The following ZMIZ2 variants were observed in gnomAD, a reference collection of about 807,000 sequenced individuals.
ZMIZ2 encodes the protein zinc finger MIZ-type containing 2.
In ZMIZ2, 26 loss-of-function variants were observed where a neutral mutation model predicts 93.9. The observed-to-expected ratio is 0.28, with a 90% CI of 0.20 to 0.38. The LOEUF is 0.38. Among genes scored for constraint, ZMIZ2 ranks in the 10% least tolerant of loss-of-function variants. ZMIZ2 has a pLI of 1.00. For missense variants in ZMIZ2, 1,023 were observed against 1,235.0 expected (o/e 0.83, Z 2.57); for synonymous variants, 485 against 516.4 (o/e 0.94, Z 0.82).
At position 44,767,058 on chromosome 7, in the gene ZMIZ2, A is replaced by C. The variant is rs1236434374; in HGVS notation, c.2655+395A>C. On this transcript the variant is annotated intron_variant, in intron 18 of 18. Coordinates refer to ENST00000309315, the MANE Select transcript of ZMIZ2 (RefSeq NM_031449.4). ...CTGACTGTCCCTGGACCATAATAGAAACTCATTCTAGAAGTTCAACATGAA... is the reference window on the plus strand; with the variant it reads ...CTGACTGTCCCTGGACCATAATAGACACTCATTCTAGAAGTTCAACATGAA... Among the ~76,000 whole-genome samples, 4 of 152,104 alleles carry C rather than the reference A, an allele frequency of 2.6e-5. No homozygotes were observed. In the East Asian group the frequency reaches 7.7e-4, roughly 29 times the overall value.
chr7:44,764,460 G>A lies in ZMIZ2; in HGVS notation c.1902G>A (p.Arg634=). ...CGTACCTGCAGCTCAACTGTGAGCGGGGGACTTGGAGGTGTCCTGTGTGCA... is the reference window on the plus strand; with the variant it reads ...CGTACCTGCAGCTCAACTGTGAGCGAGGGACTTGGAGGTGTCCTGTGTGCA... The part of the protein sequence containing the change: ...LESYLQLNCE[R]GTWRCPVCNK... Residue 634 remains arginine (R), a synonymous_variant, in exon 14 of 19, where the codon CGG becomes CGA. Transcript: ENST00000309315. 3.1e-6 allele frequency: 5 copies of A among 1,614,190 alleles called. No individual in the cohort carries two copies. Among genetic ancestry groups the A allele is most frequent in the South Asian group, 1.1e-5 (1 of 91,082 alleles).
At position 44,760,388 on chromosome 7, in the gene ZMIZ2, G is replaced by A. The variant is rs369465294; in HGVS notation, c.1072-37G>A. Reference sequence around the variant, plus strand: ...AACAGACTCCACTCCCATCCACCCTGGCAATCTGCCTTGACTGTTTGTGCT... The same window carrying A: ...AACAGACTCCACTCCCATCCACCCTAGCAATCTGCCTTGACTGTTTGTGCT... On this transcript the variant is annotated intron_variant, in intron 8 of 18. Coordinates refer to ENST00000309315, the MANE Select transcript of ZMIZ2 (RefSeq NM_031449.4). The A allele has an allele frequency of 1.6e-4, 256 of 1,607,304 alleles. 1 individual carries two copies. In the South Asian group the frequency reaches 2.4e-3, roughly 15 times the overall value.
At chr7:44,764,521 G>T in intron 14 of ZMIZ2, 35 bp downstream of exon 14, 1 of 1,610,384 alleles carries the variant, frequency 6.2e-7, no homozygotes, top group East Asian at 2.2e-5. Flanking sequence ...TGGAGGAGGG[G>T]CTGGTGCTTT....
At position 44,762,859 on chromosome 7, in the gene ZMIZ2, A is replaced by G. The variant is rs371466378; in HGVS notation, c.1597-22A>G. ...GCCCCTGGCCCAAGTCCCCCTGATG[A>G]CATCCTCCCGTTGTATTGCAGTCCC... On this transcript the variant is annotated intron_variant, in intron 11 of 18. Coordinates refer to ENST00000309315, the MANE Select transcript of ZMIZ2 (RefSeq NM_031449.4). 5.1e-6 allele frequency: 8 copies of G among 1,577,344 alleles called. No individual in the cohort carries two copies. In the African/African-American group the frequency reaches 9.5e-5, roughly 19 times the overall value.
intron 1 of ZMIZ2, among the ~76,000 whole-genome samples, chr7:44,752,272 C>T (rs184688209): frequency 3.0e-4 from 45 of 152,118 alleles, no homozygotes; most frequent in Admixed American, 9.2e-4. Context: ...GGATTACAGG[C>T]GCCCACCACT....
rs770251939 is a variant in ZMIZ2 at position 44,761,764 on chromosome 7, C to T, written c.1455C>T (p.Ala485=). The stretch of plus-strand genomic sequence containing the variant: ...GGCAGATGAACACCAACTGGCCAGC[C>T]TCGGTGCAGGTCAGCGTCAATGCCA... The part of the protein sequence containing the change: ...EDRQMNTNWP[A]SVQVSVNATP... The change falls in exon 11 of 19, where the codon GCC becomes GCT. Residue 485 remains alanine (A), a synonymous_variant. Coordinates refer to ENST00000309315, the MANE Select transcript of ZMIZ2 (RefSeq NM_031449.4). The surrounding 1 kb of genome is among the most constrained non-coding windows in gnomAD (Gnocchi z 5.8). 4 of 1,613,982 alleles carry T rather than the reference C, an allele frequency of 2.5e-6. No homozygotes were observed. Among genetic ancestry groups the T allele is most frequent in the Non-Finnish European group, 3.4e-6 (4 of 1,179,996 alleles).
chr7:44,761,971 G>C lies in ZMIZ2; in HGVS notation c.1596+66G>C. ...GCGGGGTGTGGTGGGGCCTGGCCCAGCGGTGCCGTGGGGTGGGGCGGGGTG... is the reference window on the plus strand; with the variant it reads ...GCGGGGTGTGGTGGGGCCTGGCCCACCGGTGCCGTGGGGTGGGGCGGGGTG... On this transcript the variant is annotated intron_variant, in intron 11 of 18. Coordinates refer to ENST00000309315, the MANE Select transcript of ZMIZ2 (RefSeq NM_031449.4). This position sits in a 1 kb window ranked among gnomAD's most constrained non-coding sequence, Gnocchi z 5.8. 2.0e-6 allele frequency: 3 copies of C among 1,472,714 alleles called. No homozygotes were observed. The highest frequency in any genetic ancestry group is 2.6e-5 in the South Asian group (2 of 75,562). 91.2% of individuals were successfully genotyped at this position (1,472,714 alleles called of 1,614,324 possible).
At chr7:44,762,246 T>C (rs1300230150) in intron 11 of ZMIZ2, among the ~76,000 whole-genome samples, 1 of 152,240 alleles carries the variant, frequency 6.6e-6, no homozygotes, top group Non-Finnish European at 1.5e-5. Flanking sequence ...AAGAAAGCGA[T>C]CCAGTAATAT....
In ZMIZ2 at chr7:44,757,543, G is replaced by C. The variant is rs1376201520; in HGVS notation, c.534G>C (p.Glu178Asp). 6.2e-7 allele frequency: 1 copy of C among 1,607,818 alleles called. No homozygotes were observed. The highest frequency in any genetic ancestry group is 8.5e-7 in the Non-Finnish European group (1 of 1,177,696). ...VAALQEKQSQELSQYGAMGAG... is the reference protein window; with the variant it reads ...VAALQEKQSQDLSQYGAMGAG... ...CTCTCCAGGAGAAGCAGAGCCAGGA[G>C]CTGAGCCAGTATGGAGCGGTGAGCC... Residue 178 changes from glutamate (E) to aspartate (D), a missense_variant, in exon 5 of 19, where the codon GAG becomes GAC. Glu to Asp is a conservative substitution (Grantham distance 45, BLOSUM62 2). This residue lies in a region of ZMIZ2 where 656 missense variants were observed against 777.1 expected (regional missense o/e 0.84). Coordinates refer to ENST00000309315, the MANE Select transcript of ZMIZ2 (RefSeq NM_031449.4).
Position 44,759,298 on chromosome 7 carries a change from G to A in ZMIZ2, c.831G>A (p.Gln277=). The A allele has an allele frequency of 6.4e-7, 1 of 1,562,880 alleles. No individual in the cohort carries two copies. Among genetic ancestry groups the A allele is most frequent in the Non-Finnish European group, 8.7e-7 (1 of 1,155,082 alleles). Residue 277 remains glutamine (Q), a synonymous_variant, in exon 7 of 19, where the codon CAG becomes CAA. Coordinates refer to ENST00000309315, the MANE Select transcript of ZMIZ2 (RefSeq NM_031449.4). ...TTTTTCAGGTGTATCCAGGGCAGCA[G>A]TATCTGCAAGGAGGCCAGTATGCAC... The part of the protein sequence containing the change: ...RTYSEVYPGQ[Q]YLQGGQYAPS...
intron 1 of ZMIZ2, among the ~76,000 whole-genome samples, chr7:44,750,498 GCAA>G: frequency 6.6e-6 from 1 of 152,294 alleles, no homozygotes; most frequent in South Asian, 2.1e-4. Flanking sequence ...TCCTGACCCT[GCAA>G]TCTTGGAGAC....
In ZMIZ2 at chr7:44,761,433, T is replaced by C; in HGVS notation, c.1241-16T>C. ...CTGGGGCAACCCAGCTCACAGCCAG[T>C]GGCCTCTGCTCCCAGGAAGCGGGCC... On this transcript the variant is annotated splice_polypyrimidine_tract_variant and intron_variant, in intron 9 of 18. Coordinates refer to ENST00000309315, the MANE Select transcript of ZMIZ2 (RefSeq NM_031449.4). This position sits in a 1 kb window ranked among gnomAD's most constrained non-coding sequence, Gnocchi z 5.8. 6.2e-7 allele frequency: 1 copy of C among 1,610,886 alleles called. No homozygotes were observed. Among genetic ancestry groups the C allele is most frequent in the Non-Finnish European group, 8.5e-7 (1 of 1,179,598 alleles).
chr7:44,760,135 G>A lies in ZMIZ2; in HGVS notation c.994-16G>A. 1 of 1,613,898 alleles carries A rather than the reference G, an allele frequency of 6.2e-7. No individual in the cohort carries two copies. The highest frequency in any genetic ancestry group is 8.5e-7 in the Non-Finnish European group (1 of 1,179,964). ...CAGGTTGGAGCCCCAGGTGCATGCAGTTTTCTCTCCCGCAGCCCACAGAGC... is the reference window on the plus strand; with the variant it reads ...CAGGTTGGAGCCCCAGGTGCATGCAATTTTCTCTCCCGCAGCCCACAGAGC... On this transcript the variant is annotated splice_polypyrimidine_tract_variant and intron_variant, in intron 7 of 18. Coordinates refer to ENST00000309315, the MANE Select transcript of ZMIZ2 (RefSeq NM_031449.4).
At chr7:44,757,266 G>A in intron 4 of ZMIZ2, 112 bp from the exon 5 acceptor site, 4 of 1,507,056 alleles carry the variant, frequency 2.7e-6, no homozygotes, top group Non-Finnish European at 3.5e-6. Context: ...AGCTGTAGTG[G>A]AGGGTCTAGA....
intron 9 of ZMIZ2, 148 bp downstream of exon 9, chr7:44,760,741 A>C: frequency 9.7e-7 from 1 of 1,035,668 alleles, no homozygotes; most frequent in Admixed American, 2.7e-5. Context: ...GGTGGCTCAC[A>C]CTTGTAATCC....
Position 44,764,859 on chromosome 7 carries a change from A to C in ZMIZ2, c.1929-82A>C, listed in dbSNP as rs536085115. ...ATTGCCTCATGCAGGGTCACAGCTG[A>C]CAGGGCTGAGAAATGACAGGGCCTG... On this transcript the variant is annotated intron_variant, in intron 14 of 18. Transcript: ENST00000309315. The C allele has an allele frequency of 7.1e-5, 104 of 1,470,744 alleles. 2 individuals are homozygous for C. In the South Asian group the frequency reaches 1.0e-3, roughly 15 times the overall value. 91.1% of individuals were successfully genotyped at this position (1,470,744 alleles called of 1,614,324 possible).
chr7:44,749,172 G>A (rs1789905065), intron 1 of ZMIZ2, among the ~76,000 whole-genome samples, 181 bp downstream of exon 1: 2 of 152,082 alleles, frequency 1.3e-5, no homozygotes, highest in African/African-American at 4.8e-5. Flanking sequence ...AGCTGGGCTG[G>A]GGCTAGAGGC....
chr7:44,761,884 C>T lies in ZMIZ2; in HGVS notation c.1575C>T (p.Ile525=), dbSNP rs775044060. 1.2e-6 allele frequency: 2 copies of T among 1,613,548 alleles called. No individual in the cohort carries two copies. Among genetic ancestry groups the T allele is most frequent in the Non-Finnish European group, 1.7e-6 (2 of 1,180,016 alleles). ...AGCCAGGCCGCAACACCATCCAGAT[C>T]ACCGTCACCGCCTGCTGCTGCGTGC... is the stretch of plus-strand genomic sequence containing the variant. ...VCQPGRNTIQ[I]TVTACCCSHL... Residue 525 remains isoleucine, a synonymous_variant, in exon 11 of 19, where the codon ATC becomes ATT. Coordinates refer to ENST00000309315, the MANE Select transcript of ZMIZ2 (RefSeq NM_031449.4). The surrounding 1 kb of genome is among the most constrained non-coding windows in gnomAD (Gnocchi z 5.8).
Position 44,756,576 on chromosome 7 carries a change from GAGCCTCCCA to G in ZMIZ2, c.165+38_165+46del, listed in dbSNP as rs773134661. Reference sequence around the variant, plus strand: ...CTGGTGCCCCACCCCCGAGCAGACAGAGCCTCCCAGCACTTGGCAGTGCTTAGTGCCTCC... The same window carrying G: ...CTGGTGCCCCACCCCCGAGCAGACAGGCACTTGGCAGTGCTTAGTGCCTCC... On this transcript the variant is annotated intron_variant, in intron 3 of 18. Transcript: ENST00000309315. 907 of 1,607,282 alleles carry G rather than the reference GAGCCTCCCA, an allele frequency of 5.6e-4. 9 individuals are homozygous for G. The East Asian group carries it at 0.017, about 30-fold the overall frequency.
Sources: gnomAD v4.1 joint callset for allele counts (sites outside exome capture counted in the v4.1 genomes callset) on GRCh38, gnomAD v4.1.1 for gene constraint, gnomAD v4.1.1 regional missense constraint, Gnocchi (gnomAD v3.1) non-coding constraint, MANE v1.5 for transcripts, NCBI Gene and HGNC (gene_info 2026-07-23, HGNC 2026-07-21) for gene names.